Variants in CDK11B observed in about 807,000 individuals in gnomAD.
CDK11B encodes cyclin dependent kinase 11B, also known as cyclin-dependent kinase 11B.
Under a neutral mutation model 84.0 loss-of-function variants are expected in CDK11B, and 37 were observed. The ratio of observed to expected loss-of-function variants is 0.44; its 90% CI spans 0.34 to 0.58. CDK11B has a LOEUF of 0.58. CDK11B is among the 20% of genes least tolerant of loss of function. The pLI is 0.02. For missense variants in CDK11B, 427 were observed against 834.0 expected (o/e 0.51, Z 6.01); for synonymous variants, 269 against 309.8 (o/e 0.87, Z 1.38).
At chr1:1,649,047 C>T (rs540332585) in intron 5 of CDK11B, among the ~76,000 whole-genome samples, 23 of 152,282 alleles carry the variant, frequency 1.5e-4, no homozygotes, top group Middle Eastern at 3.4e-3. Flanking sequence ...TGGTCAGCCT[C>T]GTCCAGCGTT....
intron 9 of CDK11B, among the ~76,000 whole-genome samples, chr1:1,641,352 TAAAA>T (rs1472384896): frequency 1.4e-5 from 2 of 147,676 alleles, no homozygotes; most frequent in Non-Finnish European, 3.1e-5. Context: ...CGACTAAAAA[TAAAA>T]AAATTATCCG....
At chr1:1,638,971 C>A (rs1328459940) in intron 11 of CDK11B, among the ~76,000 whole-genome samples, 1 of 144,496 alleles carries the variant, frequency 6.9e-6, no homozygotes, top group Non-Finnish European at 1.5e-5. Flanking sequence ...GACGGAGTCT[C>A]GCTCTGTCAC....
rs1640355002 is a variant in CDK11B at position 1,641,771 on chromosome 1, CTCCTCT to C, written c.894_899del (p.Glu302_Glu303del). ...CTTCACTGGTGCTCCCTTCCTCCTC[CTCCTCT>C]TCCTCCTCCTCCTCTTCTTCCTCAG... is the stretch of plus-strand genomic sequence containing the variant. On this transcript the variant is annotated inframe_deletion, in exon 9 of 20. Transcript: ENST00000341832. The C allele has an allele frequency of 3.0e-6, 2 of 670,562 alleles. No homozygotes were observed. Among genetic ancestry groups the C allele is most frequent in the Non-Finnish European group, 2.5e-6 (1 of 398,526 alleles). 41.5% of individuals were successfully genotyped at this position (670,562 alleles called of 1,614,324 possible).
At chr1:1,655,698 C>T (rs1222040626) in intron 2 of CDK11B, among the ~76,000 whole-genome samples, 4 of 151,976 alleles carry the variant, frequency 2.6e-5, no homozygotes, top group East Asian at 1.9e-4. Context: ...CCCAGGCAGG[C>T]GGATCACGAG....
intron 13 of CDK11B, 34 bp downstream of exon 13, chr1:1,637,728 C>T (rs1557661741): frequency 4.3e-6 from 7 of 1,613,684 alleles, no homozygotes; most frequent in East Asian, 2.2e-5. Flanking sequence ...AAAAGCCTTC[C>T]ACCCGGGGCC....
chr1:1,640,475 C>T (rs72468213), intron 10 of CDK11B, 23 bp from the exon 11 acceptor site: 22 of 1,571,040 alleles, frequency 1.4e-5, no homozygotes, highest in Admixed American at 8.7e-5. Context: ...AACCTAATTA[C>T]GAAGCTAGGA....
Position 1,655,416 on chromosome 1 carries a change from G to C in CDK11B, c.180C>G (p.Ile60Met). ...EGELRDHRMEITIRNSPYRRE... is the reference protein window; with the variant it reads ...EGELRDHRMEMTIRNSPYRRE... ...TTCTATACGGGGAGTTCCTTATTGT[G>C]ATCTCCATGCGGTGATCTCTCAGCT... Residue 60 changes from isoleucine (I) to methionine (M), a missense_variant, in exon 3 of 20, where the codon ATC (isoleucine) becomes ATG (methionine). Physicochemically the swap from Ile to Met is conservative, Grantham distance 10 (BLOSUM62 1). This residue lies in a region of CDK11B where 57 missense variants were observed against 62.2 expected (regional missense o/e 0.92). Coordinates refer to ENST00000341832, the MANE Select transcript of CDK11B (RefSeq NM_033486.3). The C allele has an allele frequency of 1.9e-6, 3 of 1,613,542 alleles. No homozygotes were observed. Among genetic ancestry groups the C allele is most frequent in the Non-Finnish European group, 2.5e-6 (3 of 1,179,618 alleles).
intron 2 of CDK11B, among the ~76,000 whole-genome samples, chr1:1,657,063 T>C (rs1642847762): frequency 6.7e-6 from 1 of 148,280 alleles, no homozygotes. Flanking sequence ...TAAAAATACT[T>C]AGAGATAGTA....
At chr1:1,655,569 C>G in intron 2 of CDK11B, 85 bp from the exon 3 acceptor site, 2 of 1,459,224 alleles carry the variant, frequency 1.4e-6, no homozygotes, top group Admixed American at 2.4e-5. Context: ...ATAATCAAAC[C>G]TGGGCAACAT....
In CDK11B at chr1:1,637,421, C is replaced by G. The variant is rs776685455; in HGVS notation, c.1557G>C (p.Gln519His). 2 of 1,613,690 alleles carry G rather than the reference C, an allele frequency of 1.2e-6. No individual in the cohort carries two copies. Among genetic ancestry groups the G allele is most frequent in the Admixed American group, 1.7e-5 (1 of 59,976 alleles). ...GCGCGGCTGTACCTGGCAGGAAGGGCTGTTTCATGGTCTCCATCAGGCTCT... is the reference window on the plus strand; with the variant it reads ...GCGCGGCTGTACCTGGCAGGAAGGGGTGTTTCATGGTCTCCATCAGGCTCT... ...DLKSLMETMK[Q>H]PFLPGEVKTL... The change falls in exon 14 of 20, where the codon CAG becomes CAC. Residue 519 changes from glutamine (Q) to histidine (H), a missense_variant. By Grantham distance (24) the Gln-to-His change is conservative. Around this residue, in one of 12 missense-constraint regions of CDK11B, gnomAD observed 19 missense variants for 22.5 expected, o/e 0.85. Transcript: ENST00000341832.
At chr1:1,652,290 C>T (rs1452042240) in intron 4 of CDK11B, 149 bp downstream of exon 4, 3 of 582,670 alleles carry the variant, frequency 5.1e-6, no homozygotes, top group Admixed American at 8.2e-5. Context: ...TCTCTATAGC[C>T]ATTCTGAACG....
chr1:1,654,519 G>A (rs1387973225), intron 3 of CDK11B, among the ~76,000 whole-genome samples: 2 of 152,130 alleles, frequency 1.3e-5, no homozygotes, highest in Non-Finnish European at 2.9e-5. Context: ...CTGGGCTGAA[G>A]TGATCTGCCT....
At chr1:1,650,024 A>C (rs1641721516) in intron 4 of CDK11B, among the ~76,000 whole-genome samples, 2 of 150,996 alleles carry the variant, frequency 1.3e-5, no homozygotes, top group South Asian at 2.1e-4. Context: ...CTGTAATTCC[A>C]GCACTCTGGG....
Position 1,641,051 on chromosome 1 carries a change from C to T in CDK11B, c.1072G>A (p.Val358Ile). 3 of 1,587,726 alleles carry T rather than the reference C, an allele frequency of 1.9e-6. No individual in the cohort carries two copies. The highest frequency in any genetic ancestry group is 2.6e-6 in the Non-Finnish European group (3 of 1,163,530). ...CTGTCTCCAGGGAGGTTCTTACCAA[C>T]CAAGAGGTGGTTTTCATTTTCTCGT... ...EERENENHLL[V>I]VPESRFDRDS... The change falls in exon 10 of 20, where the codon GTT becomes ATT. Residue 358 changes from valine (V) to isoleucine (I), a missense_variant. Val to Ile is a conservative substitution (Grantham distance 29). Around this residue, in one of 12 missense-constraint regions of CDK11B, gnomAD observed 8 missense variants for 41.3 expected, o/e 0.19. Transcript: ENST00000341832.
intron 5 of CDK11B, chr1:1,645,732 T>C: frequency 3.0e-6 from 1 of 336,076 alleles, no homozygotes; most frequent in South Asian, 2.4e-5. Flanking sequence ...CGATCGGTGT[T>C]TGCTTCATGG....
At position 1,635,506 on chromosome 1, in the gene CDK11B, GGAGGTTTGTGCTGCCC is replaced by G. The variant is rs1639166222; in HGVS notation, c.*242_*257del. 2 of 423,258 alleles carry G rather than the reference GGAGGTTTGTGCTGCCC, an allele frequency of 4.7e-6. 1 individual carries two copies. Among genetic ancestry groups the G allele is most frequent in the Non-Finnish European group, 8.1e-6 (2 of 247,936 alleles). 26.2% of individuals were successfully genotyped at this position (423,258 alleles called of 1,614,324 possible). On this transcript the variant is annotated 3_prime_UTR_variant, in exon 20 of 20. Coordinates refer to ENST00000341832, the MANE Select transcript of CDK11B (RefSeq NM_033486.3). ...GTGTCGAGAGTGGGAGAGGGTGTGT[GGAGGTTTGTGCTGCCC>G]CACGTGGGCACCCGAAGATGTCCAC... is the stretch of plus-strand genomic sequence containing the variant.
chr1:1,649,556 C>T lies in CDK11B; in HGVS notation c.437G>A (p.Arg146Gln), dbSNP rs1181616728. 1.2e-5 allele frequency: 19 copies of T among 1,604,678 alleles called. No homozygotes were observed. Among genetic ancestry groups the T allele is most frequent in the Admixed American group, 3.3e-5 (2 of 59,978 alleles). The change falls in exon 5 of 20, where the codon CGG (arginine) becomes CAG (glutamine). Residue 146 changes from arginine to glutamine, a missense_variant. Transcript: ENST00000341832. Reference sequence around the variant, plus strand: ...CCTTCTCTTCTGTCTTTCCCATTCCCGGCGAGCTTTATCCTGTTCTTCTCG... The same window carrying T: ...CCTTCTCTTCTGTCTTTCCCATTCCTGGCGAGCTTTATCCTGTTCTTCTCG... ...RHREEQDKAR[R>Q]EWERQKRREM...
chr1:1,655,340 G>C, intron 3 of CDK11B, 29 bp downstream of exon 3: 1 of 1,610,166 alleles, frequency 6.2e-7, no homozygotes, highest in East Asian at 2.2e-5. Context: ...GTGTACAGCT[G>C]GGTCTTGCAC....
chr1:1,650,100 C>T (rs1177599613), intron 4 of CDK11B, among the ~76,000 whole-genome samples: 1 of 150,948 alleles, frequency 6.6e-6, no homozygotes, highest in East Asian at 2.0e-4. Context: ...GAAACCCCAT[C>T]TCTACTAAAA....
Sources: allele counts gnomAD v4.1 joint callset (sites outside exome capture counted in the v4.1 genomes callset), GRCh38; gene constraint gnomAD v4.1.1; regional missense constraint gnomAD v4.1.1; transcripts MANE v1.5; gene names NCBI Gene and HGNC (gene_info 2026-07-23, HGNC 2026-07-21).